Variants in RNMT observed in about 807,000 individuals in gnomAD.
RNMT encodes the protein RNA guanine-7 methyltransferase, also known as mRNA cap guanine-N(7) methyltransferase.
RNMT carries 27 observed loss-of-function variants against 56.0 expected under a neutral mutation model. The observed-to-expected ratio is 0.48, with a 90% CI of 0.36 to 0.67. RNMT has a LOEUF of 0.67. Ranked by LOEUF, RNMT falls within the 30% of genes least tolerant of loss-of-function variation. RNMT has a pLI of 0.00. For missense variants in RNMT, 519 were observed against 552.1 expected (o/e 0.94, Z 0.60); for synonymous variants, 184 against 176.2 (o/e 1.04, Z -0.35).
At chr18:13,732,534 A>G (rs1419688746) in intron 3 of RNMT, among the ~76,000 whole-genome samples, 2 of 152,174 alleles carry the variant, frequency 1.3e-5, no homozygotes, top group African/African-American at 2.4e-5. Flanking sequence ...CAAATGCCTA[A>G]TATTTAGCAA....
intron 11 of RNMT, among the ~76,000 whole-genome samples, chr18:13,759,452 ACTTT>A (rs1568517112): frequency 1.3e-5 from 2 of 152,182 alleles, no homozygotes; most frequent in Non-Finnish European, 2.9e-5. Flanking sequence ...CTTTTGGCTT[ACTTT>A]CTTCACAAGG....
intron 3 of RNMT, among the ~76,000 whole-genome samples, chr18:13,732,524 C>T (rs995928188): frequency 2.0e-5 from 3 of 152,088 alleles, no homozygotes; most frequent in African/African-American, 7.2e-5. Flanking sequence ...TAAGTGAATG[C>T]AAATGCCTAA....
chr18:13,762,176 TGAA>T lies in RNMT; in HGVS notation c.*2200_*2202del. On this transcript the variant is annotated 3_prime_UTR_variant, in exon 12 of 12. Transcript: ENST00000383314. Reference sequence around the variant, plus strand: ...TATCCTCTGAGAATGGAATTGGAAATGAAGACCTAACCAGCTATTGGTGGGAAT... The same window carrying T: ...TATCCTCTGAGAATGGAATTGGAAATGACCTAACCAGCTATTGGTGGGAAT... 1.3e-6 allele frequency: 2 copies of T among 1,522,626 alleles called. No homozygotes were observed. Among genetic ancestry groups the T allele is most frequent in the Non-Finnish European group, 1.8e-6 (2 of 1,140,518 alleles). The allele number at this position is 1,522,626 out of a possible 1,614,324, so 94.3% of individuals were successfully genotyped here. A position where few individuals can be genotyped will look rare whatever the true frequency, so the allele number is the denominator to read the frequency against.
At chr18:13,754,866 G>A (rs547672554) in intron 11 of RNMT, among the ~76,000 whole-genome samples, 50 of 152,328 alleles carry the variant, frequency 3.3e-4, no homozygotes, top group Non-Finnish European at 6.2e-4. Context: ...TCCATGAGCA[G>A]GATGTGTTAG....
chr18:13,758,649 T>G (rs912033658), intron 11 of RNMT, among the ~76,000 whole-genome samples: 1 of 152,236 alleles, frequency 6.6e-6, no homozygotes, highest in African/African-American at 2.4e-5. Context: ...CTCAGACTTT[T>G]TCTGAAAATC....
intron 9 of RNMT, 49 bp downstream of exon 9, chr18:13,746,386 T>C: frequency 9.3e-7 from 1 of 1,076,652 alleles, no homozygotes; most frequent in East Asian, 2.4e-5. Flanking sequence ...TGAACTTGTT[T>C]GGCTGTTCTT....
chr18:13,731,726 G>A lies in RNMT; in HGVS notation c.209G>A (p.Ser70Asn). ...TTTGAAGATGATCTTGTAAAGGAAAGTTCTAGTTGTGGGAAAGACACTCCA... is the reference window on the plus strand; with the variant it reads ...TTTGAAGATGATCTTGTAAAGGAAAATTCTAGTTGTGGGAAAGACACTCCA... ...KEFEDDLVKE[S>N]SSCGKDTPSK... is the part of the protein sequence containing the mutation. The change falls in exon 3 of 12, where the codon AGT (serine) becomes AAT (asparagine). Residue 70 changes from serine (S) to asparagine (N), a missense_variant. Physicochemically the swap from Ser to Asn is conservative, Grantham distance 46. Transcript: ENST00000383314. 6.2e-7 allele frequency: 1 copy of A among 1,613,298 alleles called. No homozygotes were observed. The highest frequency in any genetic ancestry group is 1.1e-5 in the South Asian group (1 of 90,898).
chr18:13,760,233 C>G lies in RNMT; in HGVS notation c.*254C>G, dbSNP rs1035200758. ...GGTAATGTTCTAAGAATTCCATTTG[C>G]CTCTATGATCTTAGCTCATAAAAAT... is the stretch of plus-strand genomic sequence containing the variant. On this transcript the variant is annotated 3_prime_UTR_variant, in exon 12 of 12. Transcript: ENST00000383314. The G allele has an allele frequency of 8.4e-7, 1 of 1,191,724 alleles. No individual in the cohort carries two copies. The highest frequency in any genetic ancestry group is 1.0e-6 in the Non-Finnish European group (1 of 960,436). 73.8% of individuals were successfully genotyped at this position (1,191,724 alleles called of 1,614,324 possible).
intron 11 of RNMT, among the ~76,000 whole-genome samples, chr18:13,759,574 TTTTC>T (rs1376012335): frequency 2.6e-5 from 4 of 151,988 alleles, no homozygotes; most frequent in Non-Finnish European, 5.9e-5. Flanking sequence ...TTAATTCTAG[TTTTC>T]TTTGTTATAC....
Position 13,737,132 on chromosome 18 carries a change from A to G in RNMT, c.676A>G (p.Thr226Ala), listed in dbSNP as rs2044172597. 6.2e-7 allele frequency: 1 copy of G among 1,601,950 alleles called. No homozygotes were observed. Among genetic ancestry groups the G allele is most frequent in the Admixed American group, 1.7e-5 (1 of 58,824 alleles). Residue 226 changes from threonine (T) to alanine (A), a missense_variant, in exon 5 of 12, where the codon ACT becomes GCT. By Grantham distance (58) the Thr-to-Ala change is moderately conservative. Transcript: ENST00000383314. ...KKGRINKLVCTDIADVSVKQC... is the reference protein window; with the variant it reads ...KKGRINKLVCADIADVSVKQC... ...AGGAAGAATTAACAAGCTAGTTTGTACTGGTAAGATAAATAATGATATGGG... is the reference window on the plus strand; with the variant it reads ...AGGAAGAATTAACAAGCTAGTTTGTGCTGGTAAGATAAATAATGATATGGG...
At position 13,762,118 on chromosome 18, in the gene RNMT, G is replaced by T; in HGVS notation, c.*2139G>T. On this transcript the variant is annotated 3_prime_UTR_variant, in exon 12 of 12. Transcript: ENST00000383314. ...GAGCACCTGTTGCTGCAAGCTCAGTGAAGTGGGGCACTCCCAGACCTGCCA... is the reference window on the plus strand; with the variant it reads ...GAGCACCTGTTGCTGCAAGCTCAGTTAAGTGGGGCACTCCCAGACCTGCCA... The T allele has an allele frequency of 6.5e-7, 1 of 1,536,038 alleles. No individual in the cohort carries two copies. Among genetic ancestry groups the T allele is most frequent in the Non-Finnish European group, 8.7e-7 (1 of 1,146,848 alleles).
intron 1 of RNMT, among the ~76,000 whole-genome samples, chr18:13,728,450 C>G (rs1031225858): frequency 2.0e-5 from 3 of 151,318 alleles, no homozygotes; most frequent in Non-Finnish European, 4.4e-5. Context: ...ATTCTCATGC[C>G]TCAGCCTCCC....
chr18:13,741,292 G>T (rs2149091963), intron 6 of RNMT, among the ~76,000 whole-genome samples: 1 of 152,284 alleles, frequency 6.6e-6, no homozygotes, highest in African/African-American at 2.4e-5. Flanking sequence ...TTTTAAACAT[G>T]ATTTCAGAAT....
intron 10 of RNMT, 150 bp downstream of exon 10, chr18:13,752,577 T>A: frequency 1.7e-6 from 1 of 590,940 alleles, no homozygotes; most frequent in Non-Finnish European, 3.0e-6. Flanking sequence ...TGACTTGTTA[T>A]AACCACAGAA....
rs1332323951 is a variant in RNMT, at chr18:13,736,081, A to G, written c.554-929A>G. On this transcript the variant is annotated intron_variant, in intron 4 of 11. Coordinates refer to ENST00000383314, the MANE Select transcript of RNMT (RefSeq NM_003799.3). ...CGTTAGTCTTACTGTATATAAATGC[A>G]GAGATTTTATAATTGTTTTTCGCTC... Among the ~76,000 whole-genome samples the G allele has an allele frequency of 3.3e-5, 5 of 152,198 alleles. 1 individual carries two copies. Among genetic ancestry groups the G allele is most frequent in the Admixed American group, 2.6e-4 (4 of 15,274 alleles).
At chr18:13,738,893 C>CG (rs550028714) in intron 5 of RNMT, among the ~76,000 whole-genome samples, 14 of 152,088 alleles carry the variant, frequency 9.2e-5, no homozygotes, top group South Asian at 2.1e-4. Flanking sequence ...TCCACAGAAG[C>CG]GGGGGGATGG....
At chr18:13,744,525 A>G (rs1365548056) in intron 8 of RNMT, among the ~76,000 whole-genome samples, 3 of 152,216 alleles carry the variant, frequency 2.0e-5, no homozygotes, top group South Asian at 2.1e-4. Flanking sequence ...AGAGATTTAC[A>G]AAAGAAAATG....
intron 9 of RNMT, among the ~76,000 whole-genome samples, chr18:13,751,871 GA>G (rs1413343360): frequency 6.6e-6 from 1 of 151,822 alleles, no homozygotes; most frequent in Non-Finnish European, 1.5e-5. Context: ...CACAAGGACA[GA>G]AAACCAACCA....
chr18:13,732,440 T>G (rs2044086337), intron 3 of RNMT, among the ~76,000 whole-genome samples: 1 of 152,244 alleles, frequency 6.6e-6, no homozygotes, highest in South Asian at 2.1e-4. Flanking sequence ...TACCTAGCTT[T>G]ACATCCCTTT....
Sources: allele counts gnomAD v4.1 joint callset (sites outside exome capture counted in the v4.1 genomes callset), GRCh38; gene constraint gnomAD v4.1.1; transcripts MANE v1.5; gene names NCBI Gene and HGNC (gene_info 2026-07-23, HGNC 2026-07-21).